GALNT13: variants seen among roughly 807,000 people sequenced by gnomAD.
GALNT13 encodes the protein polypeptide N-acetylgalactosaminyltransferase 13, also known as UDP-GalNAc:polypeptide N-acetylgalactosaminyltransferase 13.
In GALNT13, 28 loss-of-function variants were observed where a neutral mutation model predicts 64.2. The ratio of observed to expected loss-of-function variants is 0.44; its 90% CI spans 0.32 to 0.60. GALNT13 has a LOEUF of 0.60. Ranked by LOEUF, GALNT13 falls within the 20% of genes least tolerant of loss-of-function variation. The pLI, the probability that GALNT13 is intolerant of heterozygous loss-of-function variation, is 0.05. For synonymous variants in GALNT13, 214 were observed against 224.6 expected, an observed-to-expected ratio of 0.95 and a Z score of 0.42; for missense variants, 577 against 669.8, an observed-to-expected ratio of 0.86 and a Z score of 1.53.
chr2:154,135,954 G>A (rs1335179772), intron 3 of GALNT13, among the ~76,000 whole-genome samples: 1 of 152,122 alleles, frequency 6.6e-6, no homozygotes, highest in Non-Finnish European at 1.5e-5. Context: ...TGTGGTGGGG[G>A]GTGGTGGAAA....
chr2:153,347,611 C>G, the GALNT13 span, among the ~76,000 whole-genome samples: 5 of 152,106 alleles, frequency 3.3e-5, no homozygotes, highest in Non-Finnish European at 7.4e-5. Context: ...TGGAATCCAT[C>G]ACAGTTAGGT....
intron 3 of GALNT13, among the ~76,000 whole-genome samples, chr2:154,093,665 A>C (rs1701932386): frequency 1.6e-5 from 2 of 125,944 alleles, no homozygotes; most frequent in African/African-American, 6.6e-5. Flanking sequence ...GCCACACATT[A>C]TTTCTTTTTT....
intron 4 of GALNT13, among the ~76,000 whole-genome samples, chr2:154,192,710 ATAT>A (rs1472847988): frequency 6.6e-6 from 1 of 152,178 alleles, no homozygotes; most frequent in African/African-American, 2.4e-5. Context: ...ATTTTTAGAA[ATAT>A]TATTTAAGTT....
intron 4 of GALNT13, among the ~76,000 whole-genome samples, chr2:154,187,503 C>T (rs543640651): frequency 6.6e-6 from 1 of 151,970 alleles, no homozygotes; most frequent in African/African-American, 2.4e-5. Context: ...CTGTTCACCT[C>T]ATGATGGTTT....
At chr2:154,035,356 C>A (rs1345394949) in intron 3 of GALNT13, among the ~76,000 whole-genome samples, 2 of 151,964 alleles carry the variant, frequency 1.3e-5, no homozygotes, top group African/African-American at 2.4e-5. Flanking sequence ...TATTAGAAAT[C>A]AAATGGACGT....
the GALNT13 span, among the ~76,000 whole-genome samples, chr2:153,725,496 A>G: frequency 6.6e-6 from 1 of 151,390 alleles, no homozygotes; most frequent in Non-Finnish European, 1.5e-5. Flanking sequence ...AAAAAAAAAG[A>G]AAAAAGCTAA....
intron 9 of GALNT13, among the ~76,000 whole-genome samples, chr2:154,342,742 A>C (rs1695842696): frequency 6.6e-6 from 1 of 151,996 alleles, no homozygotes; most frequent in South Asian, 2.1e-4. Context: ...CTTTACAGAC[A>C]AATTTGCCAA....
the GALNT13 span, among the ~76,000 whole-genome samples, chr2:153,258,104 T>A: frequency 1.2e-4 from 19 of 152,142 alleles, no homozygotes; most frequent in African/African-American, 2.6e-4. Context: ...AAAAAAAGTC[T>A]TAGAGATTCC....
intron 3 of GALNT13, among the ~76,000 whole-genome samples, chr2:154,022,837 C>G (rs573042403): frequency 1.1e-3 from 174 of 152,222 alleles, no homozygotes; most frequent in Non-Finnish European, 1.6e-3. Context: ...GCATTTAGTG[C>G]TATAAATTTC....
chr2:154,345,407 C>G (rs1187500207), intron 9 of GALNT13, among the ~76,000 whole-genome samples: 1 of 151,960 alleles, frequency 6.6e-6, no homozygotes, highest in East Asian at 1.9e-4. Context: ...AAAGTTGTTG[C>G]TCAAGAGAAC....
chr2:153,545,446 C>T, the GALNT13 span, among the ~76,000 whole-genome samples: 1 of 152,294 alleles, frequency 6.6e-6, no homozygotes, highest in South Asian at 2.1e-4. Context: ...CCTGCTTTGT[C>T]TTGGTCCACA....
At chr2:153,924,725 G>T (rs530737053) in intron 2 of GALNT13, among the ~76,000 whole-genome samples, 1 of 152,104 alleles carries the variant, frequency 6.6e-6, no homozygotes, top group African/African-American at 2.4e-5. Context: ...AGCATCTGTT[G>T]TTTTTTTACT....
the GALNT13 span, among the ~76,000 whole-genome samples, chr2:153,535,226 A>G: frequency 6.6e-6 from 1 of 152,186 alleles, no homozygotes; most frequent in Non-Finnish European, 1.5e-5. Context: ...GTATGAATTG[A>G]AAAACCAAAT....
At chr2:153,237,606 C>A in the GALNT13 span, among the ~76,000 whole-genome samples, 1 of 151,988 alleles carries the variant, frequency 6.6e-6, no homozygotes, top group Non-Finnish European at 1.5e-5. Context: ...TGGCTTATTT[C>A]ACTTAACATA....
At chr2:153,433,871 C>T in the GALNT13 span, among the ~76,000 whole-genome samples, 1 of 151,918 alleles carries the variant, frequency 6.6e-6, no homozygotes, top group Non-Finnish European at 1.5e-5. Flanking sequence ...GGTACATGTG[C>T]ACCACGTACA....
At chr2:154,401,166 G>T (rs934162586) in intron 10 of GALNT13, among the ~76,000 whole-genome samples, 1 of 152,006 alleles carries the variant, frequency 6.6e-6, no homozygotes, top group African/African-American at 2.4e-5. Context: ...GCCTATATTG[G>T]TATTGTATGC....
the GALNT13 span, among the ~76,000 whole-genome samples, chr2:153,634,613 C>T: frequency 2.1e-4 from 31 of 148,454 alleles, no homozygotes; most frequent in East Asian, 3.2e-3. Flanking sequence ...TGCAGTGGCC[C>T]GATCTCAGCT....
At chr2:153,423,713 C>A in the GALNT13 span, among the ~76,000 whole-genome samples, 1 of 151,662 alleles carries the variant, frequency 6.6e-6, no homozygotes, top group African/African-American at 2.4e-5. Flanking sequence ...ATAGAAGTAA[C>A]TTCACAGAGG....
the GALNT13 span, among the ~76,000 whole-genome samples, chr2:153,650,727 G>T: frequency 3.3e-5 from 5 of 152,078 alleles, no homozygotes; most frequent in Admixed American, 1.3e-4. Flanking sequence ...TAGAAGCTTA[G>T]TTTGGCTGGA....
Sources: gnomAD v4.1 joint callset for allele counts (sites outside exome capture counted in the v4.1 genomes callset) on GRCh38, gnomAD v4.1.1 for gene constraint, MANE v1.5 for transcripts, NCBI Gene and HGNC (gene_info 2026-07-23, HGNC 2026-07-21) for gene names.